The following ARHGAP26 variants were observed in gnomAD, a reference collection of about 807,000 sequenced individuals.
The protein encoded by ARHGAP26 is Rho GTPase activating protein 26.
ARHGAP26 carries 38 observed loss-of-function variants against 104.8 expected under a neutral mutation model. That is an observed-to-expected ratio of 0.36 (90% CI 0.28 to 0.48). The LOEUF (loss-of-function observed/expected upper bound fraction) is 0.48, where lower values mean the gene tolerates loss of function less well. Among genes scored for constraint, ARHGAP26 ranks in the 20% least tolerant of loss-of-function variants. The pLI is 0.99. For synonymous variants in ARHGAP26, 341 were observed against 340.0 expected, an observed-to-expected ratio of 1.00 and a Z score of -0.03; for missense variants, 704 against 947.9, an observed-to-expected ratio of 0.74 and a Z score of 3.38.
rs1433108180 is a variant in ARHGAP26 at position 142,770,796 on chromosome 5, G to A, written c.35G>A (p.Cys12Tyr). ...GLPALEFSDC[C>Y]LDSPHFRETL... Reference sequence around the variant, plus strand: ...CCAGCGCTCGAGTTCAGCGACTGCTGCCTCGATAGTCCGCACTTCCGAGAG... The same window carrying A: ...CCAGCGCTCGAGTTCAGCGACTGCTACCTCGATAGTCCGCACTTCCGAGAG... The change falls in exon 1 of 23, where the codon TGC (cysteine) becomes TAC (tyrosine). Residue 12 changes from cysteine (C) to tyrosine (Y), a missense_variant. Around this residue, in one of 6 missense-constraint regions of ARHGAP26, gnomAD observed 77 missense variants for 82.6 expected, o/e 0.93. Coordinates refer to ENST00000645722, the MANE Select transcript of ARHGAP26 (RefSeq NM_001135608.3). 6 of 1,595,322 alleles carry A rather than the reference G, an allele frequency of 3.8e-6. No individual in the cohort carries two copies. The highest frequency in any genetic ancestry group is 5.1e-6 in the Non-Finnish European group (6 of 1,170,802).
Position 143,084,502 on chromosome 5 carries a change from T to C in ARHGAP26, c.1538+26755T>C, listed in dbSNP as rs184438490. On this transcript the variant is annotated intron_variant, in intron 17 of 22. Transcript: ENST00000645722. ...CAGGGGAAGGTTTATGGCCTGAGTT[T>C]CCACAGATTTGGAGGGAGGCGTGTT... 2.8e-3 allele frequency among the ~76,000 whole-genome samples: 421 copies of C among 152,280 alleles called. 4 individuals are homozygous for C. The highest frequency in any genetic ancestry group is 9.9e-3 in the African/African-American group (411 of 41,556).
At chr5:142,857,532 G>A (rs868302258) in intron 1 of ARHGAP26, among the ~76,000 whole-genome samples, 1 of 152,132 alleles carries the variant, frequency 6.6e-6, no homozygotes, top group Non-Finnish European at 1.5e-5. Flanking sequence ...GGGTCACCTC[G>A]TCCCTCCTGC....
At chr5:143,038,722 A>T in intron 13 of ARHGAP26, among the ~76,000 whole-genome samples, 1 of 93,666 alleles carries the variant, frequency 1.1e-5, no homozygotes. Flanking sequence ...TTTGAGACAG[A>T]GTCTCTTTCT....
chr5:143,182,027 C>T (rs1253464438), intron 20 of ARHGAP26, among the ~76,000 whole-genome samples: 3 of 152,200 alleles, frequency 2.0e-5, no homozygotes, highest in African/African-American at 7.2e-5. Context: ...CATCCATTCT[C>T]GCTGTGAGGC....
chr5:143,033,594 A>G (rs1385379476), intron 12 of ARHGAP26, among the ~76,000 whole-genome samples: 1 of 152,178 alleles, frequency 6.6e-6, no homozygotes, highest in Non-Finnish European at 1.5e-5. Flanking sequence ...GTCAGATGCT[A>G]GGTTCTTTTC....
intron 1 of ARHGAP26, among the ~76,000 whole-genome samples, chr5:142,846,252 C>T (rs117770276): frequency 1.1e-4 from 17 of 152,270 alleles, no homozygotes; most frequent in Middle Eastern, 3.4e-3. Context: ...TATTATCTCA[C>T]GGGCCTGAGA....
rs937239954 is a variant in ARHGAP26, at chr5:142,902,055, G to C, written c.702+16G>C. On this transcript the variant is annotated intron_variant, in intron 7 of 22. Coordinates refer to ENST00000645722, the MANE Select transcript of ARHGAP26 (RefSeq NM_001135608.3). ...CATACAGAACGTGAGTGGGCATAGG[G>C]ACAGGCTTCTTTTATCTGGTTAAGG... 2 of 1,605,220 alleles carry C rather than the reference G, an allele frequency of 1.2e-6. No homozygotes were observed. The highest frequency in any genetic ancestry group is 3.4e-5 in the Admixed American group (2 of 59,588).
At chr5:143,129,927 T>C (rs537971559) in intron 18 of ARHGAP26, among the ~76,000 whole-genome samples, 1 of 152,334 alleles carries the variant, frequency 6.6e-6, no homozygotes, top group East Asian at 1.9e-4. Flanking sequence ...TGAGATTACA[T>C]AGCTAGTAGG....
intron 20 of ARHGAP26, among the ~76,000 whole-genome samples, chr5:143,177,963 C>A (rs1209225203): frequency 1.4e-5 from 2 of 141,918 alleles, no homozygotes; most frequent in African/African-American, 5.2e-5. Flanking sequence ...GCATAAGTGG[C>A]CTGTTCAAGT....
intron 11 of ARHGAP26, among the ~76,000 whole-genome samples, chr5:142,997,100 A>ATG (rs746212462): frequency 0.12 from 17,592 of 151,988 alleles, 1,405 homozygotes; most frequent in Non-Finnish European, 0.18. Context: ...TTTCCAAAAA[A>ATG]CTTTATATAT....
rs1599052156 is a variant in ARHGAP26 at position 143,109,330 on chromosome 5, G to A, written c.1539-11658G>A. Among the ~76,000 whole-genome samples, 6 of 152,148 alleles carry A rather than the reference G, an allele frequency of 3.9e-5. No individual in the cohort carries two copies. In the East Asian group the frequency reaches 1.2e-3, roughly 29 times the overall value. The stretch of plus-strand genomic sequence containing the variant: ...CAGATATATAGGCGCAAAGGCACAG[G>A]GCCTGACACATTTTAATTAAATATG... On this transcript the variant is annotated intron_variant, in intron 17 of 22. Coordinates refer to ENST00000645722, the MANE Select transcript of ARHGAP26 (RefSeq NM_001135608.3).
intron 1 of ARHGAP26, among the ~76,000 whole-genome samples, chr5:142,824,138 A>ATGTG (rs139907602): frequency 6.6e-6 from 1 of 151,140 alleles, no homozygotes; most frequent in Non-Finnish European, 1.5e-5. Flanking sequence ...TGTTGTGTGT[A>ATGTG]TGTGTGTGTG....
intron 5 of ARHGAP26, 46 bp downstream of exon 5, chr5:142,885,445 A>G (rs371432545): frequency 1.2e-5 from 18 of 1,526,624 alleles, no homozygotes; most frequent in South Asian, 2.3e-5. Flanking sequence ...CAATTTGTAC[A>G]TGATGCTGTG....
At chr5:142,820,932 C>T (rs182890682) in intron 1 of ARHGAP26, among the ~76,000 whole-genome samples, 99 of 152,262 alleles carry the variant, frequency 6.5e-4, no homozygotes, top group African/African-American at 2.4e-3. Flanking sequence ...AGCCTTCTGT[C>T]CCTCCACCTC....
At chr5:143,086,671 A>G (rs1790628848) in intron 17 of ARHGAP26, among the ~76,000 whole-genome samples, 1 of 152,210 alleles carries the variant, frequency 6.6e-6, no homozygotes, top group Non-Finnish European at 1.5e-5. Flanking sequence ...TCTGCCTTGT[A>G]TTAGTCAAGA....
intron 10 of ARHGAP26, among the ~76,000 whole-genome samples, chr5:142,913,599 T>C (rs535234044): frequency 6.6e-6 from 1 of 152,366 alleles, no homozygotes; most frequent in South Asian, 2.1e-4. Context: ...ATGTGTGTTA[T>C]ATCTCCAGGA....
At chr5:142,859,235 G>C (rs937082719) in intron 1 of ARHGAP26, among the ~76,000 whole-genome samples, 4 of 152,192 alleles carry the variant, frequency 2.6e-5, no homozygotes, top group Non-Finnish European at 5.9e-5. Flanking sequence ...GGCCAGAGAT[G>C]ATGGTGGCAT....
chr5:143,160,382 A>C lies in ARHGAP26; in HGVS notation c.1988+13001A>C, dbSNP rs183118943. On this transcript the variant is annotated intron_variant, in intron 20 of 22. Coordinates refer to ENST00000645722, the MANE Select transcript of ARHGAP26 (RefSeq NM_001135608.3). ...CCAAGATTTTTCTTTTTAACCTTAAACTTTTTTGTGTTACCTCAATAGCTA... is the reference window on the plus strand; with the variant it reads ...CCAAGATTTTTCTTTTTAACCTTAACCTTTTTTGTGTTACCTCAATAGCTA... Among the ~76,000 whole-genome samples the C allele has an allele frequency of 4.0e-3, 604 of 151,198 alleles. 2 individuals carry two copies. The highest frequency in any genetic ancestry group is 0.012 in the African/African-American group (493 of 41,224).
chr5:143,216,205 C>T (rs200828890), intron 22 of ARHGAP26: 14 of 471,426 alleles, frequency 3.0e-5, no homozygotes, highest in Non-Finnish European at 4.8e-5. Context: ...CCTTCAGCTT[C>T]CACAGCCATC....
Sources: allele counts gnomAD v4.1 joint callset (sites outside exome capture counted in the v4.1 genomes callset), GRCh38; gene constraint gnomAD v4.1.1; regional missense constraint gnomAD v4.1.1; transcripts MANE v1.5; gene names NCBI Gene and HGNC (gene_info 2026-07-23, HGNC 2026-07-21).